Variants in TBC1D5 observed in about 807,000 individuals in gnomAD.
The protein encoded by TBC1D5 is TBC1 domain family, member 5.
In TBC1D5, 75 loss-of-function variants were observed where a neutral mutation model predicts 100.3. The ratio of observed to expected loss-of-function variants is 0.75; its 90% CI spans 0.62 to 0.91. The LOEUF (loss-of-function observed/expected upper bound fraction) is 0.91, where lower values mean the gene tolerates loss of function less well. Ranked by LOEUF, TBC1D5 falls within the 40% of genes least tolerant of loss-of-function variation. The pLI is 0.00. For synonymous variants in TBC1D5, 323 were observed against 325.6 expected (o/e 0.99, Z 0.09); for missense variants, 910 against 942.4 (o/e 0.97, Z 0.45).
chr3:17,501,875 A>G, intron 3 of TBC1D5, among the ~76,000 whole-genome samples: 1 of 149,324 alleles, frequency 6.7e-6, no homozygotes. Flanking sequence ...ATGTCTTATC[A>G]ACCCACTTTA....
At position 17,717,285 on chromosome 3, in the gene TBC1D5, C is replaced by T. The variant is rs1224277516; in HGVS notation, c.-101+22058G>A. Among the ~76,000 whole-genome samples, 4 of 147,754 alleles carry T rather than the reference C, an allele frequency of 2.7e-5. No individual in the cohort carries two copies. In the South Asian group the frequency reaches 8.7e-4, roughly 32 times the overall value. ...AAAAAAAAAAGGGGGGTGGCTAAAGCAACATGATAGTCTAGCTAATACTTT... is the reference window on the plus strand; with the variant it reads ...AAAAAAAAAAGGGGGGTGGCTAAAGTAACATGATAGTCTAGCTAATACTTT... On this transcript the variant is annotated intron_variant, in intron 1 of 21. Transcript: ENST00000253692.
chr3:17,561,330 T>A (rs190378872), intron 2 of TBC1D5, among the ~76,000 whole-genome samples: 1 of 152,212 alleles, frequency 6.6e-6, no homozygotes, highest in Non-Finnish European at 1.5e-5. Context: ...CTTAGAGGGT[T>A]CAATCAAAGC....
chr3:17,370,575 G>A (rs1294581705), intron 13 of TBC1D5, among the ~76,000 whole-genome samples: 1 of 152,116 alleles, frequency 6.6e-6, no homozygotes, highest in African/African-American at 2.4e-5. Flanking sequence ...TAATGAAGCT[G>A]CTCTCAATGA....
At chr3:17,700,366 C>T (rs944015105) in intron 1 of TBC1D5, among the ~76,000 whole-genome samples, 120 of 152,116 alleles carry the variant, frequency 7.9e-4, no homozygotes, top group African/African-American at 2.8e-3. Flanking sequence ...GACCTAAAAC[C>T]ATAAAAACCC....
intron 2 of TBC1D5, among the ~76,000 whole-genome samples, chr3:17,617,028 G>A (rs1009036172): frequency 2.0e-5 from 3 of 152,124 alleles, no homozygotes; most frequent in Non-Finnish European, 2.9e-5. Context: ...TGCTCATATC[G>A]TTGTTTCTTT....
rs2095947708 is a variant in TBC1D5 at position 17,513,933 on chromosome 3, A to T, written c.-35-5328T>A. On this transcript the variant is annotated intron_variant, in intron 2 of 21. Coordinates refer to ENST00000253692, the Ensembl canonical transcript of TBC1D5. The stretch of plus-strand genomic sequence containing the variant: ...GCAATTGAATATCTGGTTTAAAAAA[A>T]CATTTTTTATTTAGAAATGTTGGTA... 2.0e-5 allele frequency among the ~76,000 whole-genome samples: 3 copies of T among 152,328 alleles called. 1 individual carries two copies. In the South Asian group the frequency reaches 6.2e-4, roughly 32 times the overall value.
chr3:17,670,335 A>T (rs950610251), intron 1 of TBC1D5, among the ~76,000 whole-genome samples: 1 of 152,238 alleles, frequency 6.6e-6, no homozygotes, highest in African/African-American at 2.4e-5. Flanking sequence ...TTCCAAACAT[A>T]AAGCATGCAC....
chr3:17,326,004 AG>A (rs2086081629), intron 13 of TBC1D5, among the ~76,000 whole-genome samples: 1 of 152,354 alleles, frequency 6.6e-6, no homozygotes, highest in African/African-American at 2.4e-5. Flanking sequence ...GTCAAGTGAG[AG>A]GAAAAAATGG....
At chr3:17,627,262 G>A (rs989924557) in intron 1 of TBC1D5, among the ~76,000 whole-genome samples, 6 of 152,130 alleles carry the variant, frequency 3.9e-5, no homozygotes, top group Non-Finnish European at 7.4e-5. Flanking sequence ...TGACTGGAGC[G>A]GACAGACAGT....
intron 13 of TBC1D5, among the ~76,000 whole-genome samples, chr3:17,344,382 G>A (rs1257582357): frequency 6.6e-6 from 1 of 152,040 alleles, no homozygotes; most frequent in Non-Finnish European, 1.5e-5. Flanking sequence ...TCTCTTCAAG[G>A]AGAACTACAA....
chr3:17,236,555 G>T (rs2075870867), intron 17 of TBC1D5, among the ~76,000 whole-genome samples: 2 of 150,340 alleles, frequency 1.3e-5, no homozygotes, highest in African/African-American at 4.9e-5. Flanking sequence ...GCACGATCTT[G>T]GCTCACTGCA....
chr3:17,676,349 C>T (rs1231078531), intron 1 of TBC1D5, among the ~76,000 whole-genome samples: 1 of 152,068 alleles, frequency 6.6e-6, no homozygotes, highest in Non-Finnish European at 1.5e-5. Flanking sequence ...CATTCCTATA[C>T]ACCAATAACA....
chr3:17,452,062 G>T (rs1415689423), intron 3 of TBC1D5, among the ~76,000 whole-genome samples: 2 of 152,060 alleles, frequency 1.3e-5, no homozygotes, highest in African/African-American at 4.8e-5. Flanking sequence ...TTGCGTGTTT[G>T]TTTACACAAT....
At chr3:17,236,267 G>A (rs535575426) in intron 17 of TBC1D5, among the ~76,000 whole-genome samples, 29 of 152,228 alleles carry the variant, frequency 1.9e-4, no homozygotes, top group African/African-American at 6.3e-4. Context: ...AATTACAACT[G>A]ACTACAGCTT....
chr3:17,646,997 GT>G, intron 1 of TBC1D5: 2 of 152,150 alleles, frequency 1.3e-5, no homozygotes, highest in Middle Eastern at 6.8e-3. Flanking sequence ...AGAACATGCA[GT>G]ATTTTGTCCA....
In TBC1D5 at chr3:17,180,339, A is replaced by C. The variant is rs117113743; in HGVS notation, c.1852+4770T>G. ...AACCTGTCAATTTTATTATCTCTAT[A>C]ATTAAAGGGCCATTTGACCAAATGT... On this transcript the variant is annotated intron_variant, in intron 19 of 21. Coordinates refer to ENST00000253692, the Ensembl canonical transcript of TBC1D5. Among the ~76,000 whole-genome samples the C allele has an allele frequency of 7.2e-5, 11 of 152,332 alleles. No individual in the cohort carries two copies. The East Asian group carries it at 2.1e-3, about 29-fold the overall frequency.
chr3:17,607,623 G>A (rs1026539168), intron 2 of TBC1D5, among the ~76,000 whole-genome samples: 5 of 150,768 alleles, frequency 3.3e-5, no homozygotes, highest in Admixed American at 3.3e-4. Context: ...CATAATTCCT[G>A]CTGACTTCTG....
At chr3:17,181,950 A>C (rs2068498121) in intron 19 of TBC1D5, among the ~76,000 whole-genome samples, 1 of 152,174 alleles carries the variant, frequency 6.6e-6, no homozygotes, top group Admixed American at 6.5e-5. Context: ...ACTAATGAAC[A>C]CCTTAGTCCT....
chr3:17,402,223 A>G (rs2093666748), intron 8 of TBC1D5, among the ~76,000 whole-genome samples: 1 of 152,118 alleles, frequency 6.6e-6, no homozygotes, highest in South Asian at 2.1e-4. Flanking sequence ...TTCAGTATTT[A>G]TAACTTGCAA....
Sources: allele counts gnomAD v4.1 joint callset (sites outside exome capture counted in the v4.1 genomes callset), GRCh38; gene constraint gnomAD v4.1.1; transcripts MANE v1.5; gene names NCBI Gene and HGNC (gene_info 2026-07-23, HGNC 2026-07-21).